The following DTNB variants were observed in gnomAD, a reference collection of about 807,000 sequenced individuals.
The protein encoded by DTNB is dystrobrevin beta.
A neutral mutation model predicts 90.7 loss-of-function variants in DTNB; 63 were observed. The observed-to-expected ratio is 0.69, with a 90% CI of 0.57 to 0.86. The LOEUF is 0.86. DTNB is among the 40% of genes least tolerant of loss of function. The pLI, the probability that DTNB is intolerant of heterozygous loss-of-function variation, is 0.00. For synonymous variants in DTNB, 277 were observed against 286.7 expected, an observed-to-expected ratio of 0.97 and a Z score of 0.34; for missense variants, 744 against 807.1, an observed-to-expected ratio of 0.92 and a Z score of 0.95.
intron 2 of DTNB, chr2:25,650,154 C>G: frequency 1.0e-6 from 1 of 985,452 alleles, no homozygotes; most frequent in Non-Finnish European, 1.2e-6. Context: ...ATCTCTACCC[C>G]ATCAACGCCT....
intron 2 of DTNB, among the ~76,000 whole-genome samples, chr2:25,651,298 G>A (rs1316302736): frequency 6.6e-6 from 1 of 152,206 alleles, no homozygotes; most frequent in Non-Finnish European, 1.5e-5. Flanking sequence ...GAGAGATTAA[G>A]TTAACTTGCC....
chr2:25,564,882 G>A (rs1159165614), intron 8 of DTNB, among the ~76,000 whole-genome samples: 1 of 152,132 alleles, frequency 6.6e-6, no homozygotes, highest in East Asian at 1.9e-4. Flanking sequence ...TGGTACAAAA[G>A]TAATTGCAGT....
At chr2:25,466,619 A>G (rs1246892582) in intron 10 of DTNB, among the ~76,000 whole-genome samples, 1 of 152,226 alleles carries the variant, frequency 6.6e-6, no homozygotes, top group South Asian at 2.1e-4. Flanking sequence ...GAGCAGTTAC[A>G]GTGTGTTTGT....
chr2:25,569,247 T>C (rs1027351194), intron 8 of DTNB, among the ~76,000 whole-genome samples: 5 of 152,182 alleles, frequency 3.3e-5, no homozygotes, highest in Non-Finnish European at 2.9e-5. Flanking sequence ...TGTAATCAAA[T>C]GATTGGTGTT....
chr2:25,451,075 G>C (rs1334295051), intron 12 of DTNB, among the ~76,000 whole-genome samples: 1 of 152,068 alleles, frequency 6.6e-6, no homozygotes, highest in Non-Finnish European at 1.5e-5. Context: ...CAAGGTGCTG[G>C]GATATACACT....
Position 25,438,557 on chromosome 2 carries a change from C to G in DTNB, c.1258-4562G>C, listed in dbSNP as rs76118658. Among the ~76,000 whole-genome samples the G allele has an allele frequency of 5.4e-3, 827 of 152,308 alleles. 1 individual carries two copies. Among genetic ancestry groups the G allele is most frequent in the Non-Finnish European group, 8.9e-3 (603 of 68,028 alleles). On this transcript the variant is annotated intron_variant, in intron 12 of 20. Transcript: ENST00000406818. The stretch of plus-strand genomic sequence containing the variant: ...AATTTGATTATATGTGTTAAAAACA[C>G]TGTTCTACATTTACATAAATAAGTG...
intron 16 of DTNB, among the ~76,000 whole-genome samples, chr2:25,396,731 TAAAAAAAAAAA>T: frequency 2.3e-5 from 2 of 87,626 alleles, no homozygotes; most frequent in East Asian, 7.4e-4. Context: ...TAAAAGGAAC[TAAAAAAAAAAA>T]AAAAAAAAAA....
At chr2:25,418,329 A>T (rs2149788044) in intron 16 of DTNB, among the ~76,000 whole-genome samples, 1 of 152,070 alleles carries the variant, frequency 6.6e-6, no homozygotes, top group East Asian at 1.9e-4. Flanking sequence ...CTATGGTCCC[A>T]TTGCTCTCCT....
chr2:25,651,676 AC>A (rs1172592941), intron 2 of DTNB, among the ~76,000 whole-genome samples: 3 of 152,074 alleles, frequency 2.0e-5, no homozygotes, highest in Non-Finnish European at 4.4e-5. Flanking sequence ...CATTACCAAG[AC>A]CCTAAAGGTG....
intron 12 of DTNB, among the ~76,000 whole-genome samples, chr2:25,435,737 C>T (rs560568594): frequency 4.4e-4 from 67 of 152,254 alleles, no homozygotes; most frequent in East Asian, 1.9e-3. Context: ...CTCTTGTGTA[C>T]GTACCTAGGA....
intron 10 of DTNB, among the ~76,000 whole-genome samples, chr2:25,476,472 GA>G (rs943700570): frequency 2.0e-5 from 3 of 152,184 alleles, no homozygotes; most frequent in Admixed American, 6.5e-5. Flanking sequence ...AAAGTAAATT[GA>G]AAACCTCTGT....
intron 9 of DTNB, among the ~76,000 whole-genome samples, chr2:25,520,379 C>A (rs1456253811): frequency 6.6e-6 from 1 of 152,126 alleles, no homozygotes; most frequent in Non-Finnish European, 1.5e-5. Context: ...CTCAAACAAA[C>A]AAACAAACAA....
chr2:25,606,139 G>A (rs796482946), intron 5 of DTNB, among the ~76,000 whole-genome samples: 3 of 151,596 alleles, frequency 2.0e-5, no homozygotes, highest in African/African-American at 7.3e-5. Flanking sequence ...TAATCTTGCC[G>A]AAAAACTTGT....
At chr2:25,666,915 C>G (rs1249565883) in intron 1 of DTNB, among the ~76,000 whole-genome samples, 1 of 152,096 alleles carries the variant, frequency 6.6e-6, no homozygotes, top group Non-Finnish European at 1.5e-5. Context: ...CAATCTCTGC[C>G]TAGAACTACA....
At chr2:25,393,448 G>C (rs2041680576) in intron 16 of DTNB, among the ~76,000 whole-genome samples, 1 of 152,184 alleles carries the variant, frequency 6.6e-6, no homozygotes, top group Non-Finnish European at 1.5e-5. Flanking sequence ...AACTGTCACT[G>C]TTTGCTGATT....
intron 16 of DTNB, among the ~76,000 whole-genome samples, chr2:25,395,891 G>C (rs2042236957): frequency 6.6e-6 from 1 of 152,030 alleles, no homozygotes; most frequent in African/African-American, 2.4e-5. Flanking sequence ...ATTATAAAAG[G>C]ATTAATAGAC....
intron 6 of DTNB, 43 bp from the exon 7 acceptor site, chr2:25,580,869 A>G: frequency 1.3e-6 from 2 of 1,542,250 alleles, no homozygotes; most frequent in Non-Finnish European, 1.8e-6. Context: ...GTTTTTTAGG[A>G]ATCTCCAAAC....
intron 12 of DTNB, among the ~76,000 whole-genome samples, chr2:25,446,690 G>A (rs971121850): frequency 5.3e-5 from 8 of 152,126 alleles, no homozygotes; most frequent in African/African-American, 1.9e-4. Flanking sequence ...TTTGTATTCT[G>A]TAGTTTCACT....
At chr2:25,655,344 G>A (rs916280858) in intron 1 of DTNB, among the ~76,000 whole-genome samples, 10 of 152,140 alleles carry the variant, frequency 6.6e-5, no homozygotes, top group African/African-American at 2.4e-4. Context: ...GGAGATATGT[G>A]CCTACCTCCC....
Sources: allele counts gnomAD v4.1 joint callset (sites outside exome capture counted in the v4.1 genomes callset), GRCh38; gene constraint gnomAD v4.1.1; transcripts MANE v1.5; gene names NCBI Gene and HGNC (gene_info 2026-07-23, HGNC 2026-07-21).